The following TDP1 variants were observed in gnomAD, a reference collection of about 807,000 sequenced individuals.
TDP1 encodes the protein tyrosyl-DNA phosphodiesterase 1, also known as tyr-DNA phosphodiesterase 1.
In TDP1, 64 loss-of-function variants were observed where a neutral mutation model predicts 81.5. The ratio of observed to expected loss-of-function variants is 0.79; its 90% confidence interval spans 0.64 to 0.97. The LOEUF is 0.97. TDP1 is among the 50% of genes least tolerant of loss of function. The pLI is 0.00. For missense variants in TDP1, 723 were observed against 743.8 expected, an observed-to-expected ratio of 0.97 and a Z score of 0.33; for synonymous variants, 256 against 264.3, an observed-to-expected ratio of 0.97 and a Z score of 0.30.
At chr14:89,959,317 G>C (rs1243106822) in intron 2 of TDP1, among the ~76,000 whole-genome samples, 1 of 152,218 alleles carries the variant, frequency 6.6e-6, no homozygotes, top group Non-Finnish European at 1.5e-5. Context: ...TCTTAAAACT[G>C]TATGACTTGA....
At chr14:90,026,416 C>T (rs2140296593) in intron 15 of TDP1, among the ~76,000 whole-genome samples, 1 of 152,380 alleles carries the variant, frequency 6.6e-6, no homozygotes, top group South Asian at 2.1e-4. Flanking sequence ...TCCTTCCTCT[C>T]ACCTGTCCAC....
chr14:89,993,634 C>T, intron 14 of TDP1, 151 bp downstream of exon 14: 4 of 1,222,316 alleles, frequency 3.3e-6, no homozygotes. Context: ...TTAAAGGCAT[C>T]CCATGACTAA....
At chr14:90,027,650 A>G (rs1263265056) in intron 15 of TDP1, among the ~76,000 whole-genome samples, 1 of 152,186 alleles carries the variant, frequency 6.6e-6, no homozygotes, top group Admixed American at 6.5e-5. Context: ...TCAGATCTCT[A>G]GGAGCCAAAA....
intron 14 of TDP1, among the ~76,000 whole-genome samples, chr14:90,016,035 C>T (rs1596649880): frequency 6.6e-6 from 1 of 151,272 alleles, no homozygotes; most frequent in East Asian, 1.9e-4. Context: ...GAGACAGCAG[C>T]CTTTTTTTTT....
rs1305608383 is a variant in TDP1 at position 89,993,437 on chromosome 14, AGGCCTTCTC to A, written c.1496_1504del (p.Arg499_Pro502delinsThr). On this transcript the variant is annotated inframe_deletion, in exon 14 of 17. Transcript: ENST00000335725. The stretch of plus-strand genomic sequence containing the variant: ...CATGCCACATATTAAGACATATATG[AGGCCTTCTC>A]CAGACTTCAGTAAAATTGCTTGGTT... The A allele has an allele frequency of 6.2e-7, 1 of 1,613,764 alleles. No homozygotes were observed. Among genetic ancestry groups the A allele is most frequent in the African/African-American group, 1.3e-5 (1 of 74,906 alleles).
At chr14:90,004,312 A>T (rs928405090) in intron 14 of TDP1, among the ~76,000 whole-genome samples, 1 of 152,214 alleles carries the variant, frequency 6.6e-6, no homozygotes, top group African/African-American at 2.4e-5. Context: ...CTAAGTGCAC[A>T]TCTGGCTTGA....
chr14:89,986,529 C>T (rs185855019), intron 10 of TDP1, among the ~76,000 whole-genome samples: 11 of 152,346 alleles, frequency 7.2e-5, no homozygotes, highest in African/African-American at 2.6e-4. Flanking sequence ...CCATCTGATA[C>T]TGAAAGTTCA....
At chr14:90,025,804 T>A (rs1375140702) in intron 15 of TDP1, among the ~76,000 whole-genome samples, 2 of 152,122 alleles carry the variant, frequency 1.3e-5, no homozygotes, top group Non-Finnish European at 2.9e-5. Flanking sequence ...ATCAGGGAGG[T>A]ACAAGTACTT....
chr14:89,974,261 A>G (rs889269945), intron 6 of TDP1, among the ~76,000 whole-genome samples: 2 of 152,192 alleles, frequency 1.3e-5, no homozygotes, highest in Non-Finnish European at 2.9e-5. Flanking sequence ...TATTGAAGCT[A>G]TTATCCTTGT....
At chr14:89,977,208 A>T (rs12879968) in intron 7 of TDP1, among the ~76,000 whole-genome samples, 14,480 of 152,252 alleles carry the variant, frequency 0.095, 1,769 homozygotes, top group African/African-American at 0.28. Flanking sequence ...TTTCCCAATT[A>T]AGTATCTGTA....
intron 3 of TDP1, chr14:89,965,693 C>T: frequency 1.3e-6 from 1 of 773,628 alleles, no homozygotes; most frequent in South Asian, 5.9e-5. Flanking sequence ...CATTCACAGG[C>T]CACAGGTGCT....
rs571326015 is a variant in TDP1, at chr14:90,036,768, A to G, written c.1753+3554A>G. 6.6e-5 allele frequency among the ~76,000 whole-genome samples: 10 copies of G among 151,574 alleles called. No homozygotes were observed. The South Asian group carries it at 2.1e-3, about 32-fold the overall frequency. The stretch of plus-strand genomic sequence containing the variant: ...CTCCTGAAAAATCAAACTTAACCAA[A>G]CCCATTTTACTAATAGTAATTTTAA... On this transcript the variant is annotated intron_variant, in intron 16 of 16. Transcript: ENST00000335725.
At chr14:89,968,597 T>C (rs1459246645) in intron 5 of TDP1, among the ~76,000 whole-genome samples, 1 of 152,252 alleles carries the variant, frequency 6.6e-6, no homozygotes, top group Non-Finnish European at 1.5e-5. Flanking sequence ...AAATGTCTTT[T>C]AGCTTAGCAC....
chr14:90,026,513 A>G (rs1263671641), intron 15 of TDP1, among the ~76,000 whole-genome samples: 1 of 152,216 alleles, frequency 6.6e-6, no homozygotes, highest in Non-Finnish European at 1.5e-5. Context: ...CACAACGTGC[A>G]GGTTTGTTAC....
At position 89,973,894 on chromosome 14, in the gene TDP1, C is replaced by T. The variant is rs559945794; in HGVS notation, c.757-1887C>T. On this transcript the variant is annotated intron_variant, in intron 6 of 16. Transcript: ENST00000335725. ...TCTCTTGCCAGCTTATAGATGGCCA[C>T]GTTCTCACGGTGTCCTCATGAGGGA... Among the ~76,000 whole-genome samples, 86 of 152,196 alleles carry T rather than the reference C, an allele frequency of 5.7e-4. No individual in the cohort carries two copies. The South Asian group carries it at 0.013, about 22-fold the overall frequency.
chr14:89,985,515 T>G (rs1233980405), intron 10 of TDP1, among the ~76,000 whole-genome samples: 2 of 152,196 alleles, frequency 1.3e-5, no homozygotes, highest in Non-Finnish European at 2.9e-5. Flanking sequence ...TTTTGATTGT[T>G]CAGCATATCA....
In TDP1 at chr14:89,989,043, G is replaced by A. The variant is rs752621340; in HGVS notation, c.1270G>A (p.Gly424Arg). The change falls in exon 11 of 17, where the codon GGG (glycine) becomes AGG (arginine). Residue 424 changes from glycine (G) to arginine (R), a missense_variant. Gly to Arg is a moderately radical substitution (Grantham distance 125). Coordinates refer to ENST00000335725, the MANE Select transcript of TDP1 (RefSeq NM_018319.4). The part of the protein sequence containing the change: ...SEFKESMLTL[G>R]KESKTPGKSS... ...GTTTAAAGAGAGCATGCTGACACTG[G>A]GGAAGGAAAGCAAGACTCCAGGAAA... is the stretch of plus-strand genomic sequence containing the variant. 2 of 1,614,106 alleles carry A rather than the reference G, an allele frequency of 1.2e-6. No homozygotes were observed. Among genetic ancestry groups the A allele is most frequent in the South Asian group, 2.2e-5 (2 of 91,086 alleles).
chr14:90,021,228 CT>C (rs1160841918), intron 15 of TDP1, among the ~76,000 whole-genome samples: 1 of 152,202 alleles, frequency 6.6e-6, no homozygotes, highest in Admixed American at 6.5e-5. Flanking sequence ...CATTCTTTCT[CT>C]TTCTGTCTCA....
intron 13 of TDP1, 135 bp from the exon 14 acceptor site, chr14:89,993,241 C>T (rs1484110817): frequency 7.6e-7 from 1 of 1,310,276 alleles, no homozygotes. Context: ...TTCATAAAAT[C>T]TCACAGGTCA....
Sources: gnomAD v4.1 joint callset for allele counts (sites outside exome capture counted in the v4.1 genomes callset) on GRCh38, gnomAD v4.1.1 for gene constraint, MANE v1.5 for transcripts, NCBI Gene and HGNC (gene_info 2026-07-23, HGNC 2026-07-21) for gene names.